The following WDR12 variants were observed in gnomAD, a reference collection of about 807,000 sequenced individuals.
The protein encoded by WDR12 is ribosome biogenesis protein WDR12.
In WDR12, 42 loss-of-function variants were observed where a neutral mutation model predicts 64.3. The observed-to-expected ratio is 0.65, with a 90% confidence interval of 0.51 to 0.84. The LOEUF (loss-of-function observed/expected upper bound fraction) is 0.84. WDR12 is among the 40% of genes least tolerant of loss of function. The pLI, the probability that WDR12 is intolerant of heterozygous loss-of-function variation, is 0.00. For missense variants in WDR12, 469 were observed against 494.6 expected (o/e 0.95, Z 0.49); for synonymous variants, 158 against 173.3 (o/e 0.91, Z 0.70).
intron 1 of WDR12, among the ~76,000 whole-genome samples, chr2:202,910,584 A>C (rs1688572867): frequency 6.6e-6 from 1 of 152,238 alleles, no homozygotes; most frequent in Non-Finnish European, 1.5e-5. Context: ...TTTTATTTTA[A>C]GAAAAACAAA....
chr2:202,907,850 A>G lies in WDR12; in HGVS notation c.136+15T>C. On this transcript the variant is annotated intron_variant, in intron 2 of 12. Coordinates refer to ENST00000261015, the MANE Select transcript of WDR12 (RefSeq NM_018256.4). The stretch of plus-strand genomic sequence containing the variant: ...ATTAGGGACACTGTGCCCTCTCCTA[A>G]GCATATATACCCACCATTTTTGTCC... The G allele has an allele frequency of 1.3e-6, 2 of 1,597,430 alleles. No individual in the cohort carries two copies. Among genetic ancestry groups the G allele is most frequent in the South Asian group, 2.2e-5 (2 of 90,670 alleles).
intron 2 of WDR12, 91 bp from the exon 3 acceptor site, chr2:202,901,210 T>A: frequency 1.3e-6 from 1 of 785,730 alleles, no homozygotes; most frequent in Non-Finnish European, 1.9e-6. Flanking sequence ...AACAGGTACC[T>A]ATTATCCCAG....
At chr2:202,897,593 A>C (rs1688270309) in intron 4 of WDR12, among the ~76,000 whole-genome samples, 178 bp from the exon 5 acceptor site, 1 of 146,830 alleles carries the variant, frequency 6.8e-6, no homozygotes, top group African/African-American at 2.5e-5. Flanking sequence ...ACCTCCTAAA[A>C]ATAATACCTG....
intron 1 of WDR12, among the ~76,000 whole-genome samples, chr2:202,908,958 C>A (rs1244639848): frequency 1.3e-5 from 2 of 152,184 alleles, no homozygotes; most frequent in African/African-American, 4.8e-5. Flanking sequence ...CATCATTAGT[C>A]ATCCAGGTAA....
At chr2:202,904,076 C>T (rs1220688070) in intron 2 of WDR12, among the ~76,000 whole-genome samples, 8 of 133,178 alleles carry the variant, frequency 6.0e-5, no homozygotes, top group Admixed American at 1.7e-4. Context: ...AGGTGGAGGT[C>T]GCCATGAGGT....
intron 7 of WDR12, 66 bp downstream of exon 7, chr2:202,894,515 T>C (rs922970942): frequency 2.1e-6 from 3 of 1,413,584 alleles, no homozygotes; most frequent in African/African-American, 2.9e-5. Flanking sequence ...AGCCACCATA[T>C]AGCCTCCGAA....
chr2:202,891,919 A>G (rs1030009873), intron 8 of WDR12, among the ~76,000 whole-genome samples: 2 of 152,206 alleles, frequency 1.3e-5, no homozygotes, highest in Non-Finnish European at 2.9e-5. Context: ...AGTGTGAGGA[A>G]ATGGGGAAAT....
rs531360788 is a variant in WDR12 at position 202,890,610 on chromosome 2, A to T, written c.741+2007T>A. 2.6e-5 allele frequency among the ~76,000 whole-genome samples: 4 copies of T among 152,028 alleles called. No homozygotes were observed. In the East Asian group the frequency reaches 7.8e-4, roughly 30 times the overall value. On this transcript the variant is annotated intron_variant, in intron 8 of 12. Transcript: ENST00000261015. ...GGGTGAAACCCCGTCTCTACAAAAAAAATACAAAAAATTAGCCAGGCATGG... is the reference window on the plus strand; with the variant it reads ...GGGTGAAACCCCGTCTCTACAAAAATAATACAAAAAATTAGCCAGGCATGG...
intron 5 of WDR12, among the ~76,000 whole-genome samples, chr2:202,896,508 T>C (rs772748249): frequency 3.4e-4 from 51 of 151,974 alleles, no homozygotes; most frequent in Non-Finnish European, 6.2e-4. Context: ...CTGGCCAACA[T>C]GGCAAAACCC....
chr2:202,911,337 G>T, intron 1 of WDR12, 99 bp downstream of exon 1: 1 of 1,163,030 alleles, frequency 8.6e-7, no homozygotes, highest in Non-Finnish European at 1.3e-6. Flanking sequence ...AAAAGGGTGG[G>T]GGTGACAGCA....
At chr2:202,881,443 T>C (rs917417472) in intron 12 of WDR12, among the ~76,000 whole-genome samples, 11 of 152,118 alleles carry the variant, frequency 7.2e-5, no homozygotes, top group Non-Finnish European at 1.6e-4. Context: ...TTTGATCCAA[T>C]TAGTCTTAAG....
chr2:202,906,522 G>A (rs966204536), intron 2 of WDR12, among the ~76,000 whole-genome samples: 5 of 152,098 alleles, frequency 3.3e-5, no homozygotes, highest in South Asian at 4.1e-4. Flanking sequence ...CTCCAACTAC[G>A]GTAGAGTCAG....
At chr2:202,892,587 C>T (rs1224084359) in intron 8 of WDR12, 30 bp downstream of exon 8, 1 of 1,526,002 alleles carries the variant, frequency 6.6e-7, no homozygotes, top group Admixed American at 1.7e-5. Context: ...AGGCCTAAGG[C>T]AAGTACAGTC....
intron 4 of WDR12, among the ~76,000 whole-genome samples, chr2:202,898,037 A>T (rs1239287097): frequency 6.9e-6 from 1 of 145,082 alleles, no homozygotes; most frequent in African/African-American, 2.5e-5. Context: ...ACATCCCTAA[A>T]ATATTTCACT....
In WDR12 at chr2:202,883,683, T is replaced by A. The variant is rs1422996122; in HGVS notation, c.1047A>T (p.Lys349Asn). ...TSHTGWVTSV[K>N]WSPTHEQQLI... ...GCTGCTGTTCATGGGTAGGAGACCA[T>A]TTTACTGATGTCACCCAACCAGTAT... The change falls in exon 11 of 13, where the codon AAA (lysine) becomes AAT (asparagine). Residue 349 changes from lysine (K) to asparagine (N), a missense_variant. Physicochemically the swap from Lys to Asn is moderately conservative, Grantham distance 94. Transcript: ENST00000261015. The A allele has an allele frequency of 1.2e-6, 2 of 1,613,992 alleles. No homozygotes were observed. The highest frequency in any genetic ancestry group is 1.3e-5 in the African/African-American group (1 of 74,928).
At chr2:202,910,542 A>G (rs960629135) in intron 1 of WDR12, among the ~76,000 whole-genome samples, 1 of 151,638 alleles carries the variant, frequency 6.6e-6, no homozygotes, top group Non-Finnish European at 1.5e-5. Flanking sequence ...CAAACCAAAC[A>G]AACAAAAAAA....
intron 8 of WDR12, 108 bp from the exon 9 acceptor site, chr2:202,884,643 A>G: frequency 8.8e-7 from 1 of 1,131,338 alleles, no homozygotes; most frequent in Non-Finnish European, 1.2e-6. Context: ...CAAACTGCCC[A>G]TCTTTCATAT....
chr2:202,874,752 G>A lies in WDR12; in HGVS notation c.*6108C>T, dbSNP rs368227403. On this transcript the variant is annotated 3_prime_UTR_variant, in exon 13 of 13. Transcript: ENST00000261015. ...GCTATCTTCCCAGATACCCAAATGA[G>A]TAATTAGATACTGCAAGCTAAACAT... is the stretch of plus-strand genomic sequence containing the variant. 2.0e-4 allele frequency: 30 copies of A among 152,136 alleles called. No individual in the cohort carries two copies. The highest frequency in any genetic ancestry group is 7.2e-4 in the African/African-American group (30 of 41,430). 9.4% of individuals were successfully genotyped at this position (152,136 alleles called of 1,614,324 possible). A position where few individuals can be genotyped will look rare whatever the true frequency, so the allele number is the denominator to read the frequency against.
rs1030915506 is a variant in WDR12, at chr2:202,876,239, A to C, written c.*4621T>G. ...CGCCATCTCCACAAAAATAAAAAAA[A>C]TAGCTGGGTGTGGCAGCATGCAATT... On this transcript the variant is annotated 3_prime_UTR_variant, in exon 13 of 13. Transcript: ENST00000261015. 6.6e-6 allele frequency: 1 copy of C among 152,000 alleles called. No individual in the cohort carries two copies. Among genetic ancestry groups the C allele is most frequent in the African/African-American group, 2.4e-5 (1 of 41,368 alleles). The allele number at this position is 152,000 out of a possible 1,614,324, so 9.4% of individuals were successfully genotyped here.
Sources: allele counts gnomAD v4.1 joint callset (sites outside exome capture counted in the v4.1 genomes callset), GRCh38; gene constraint gnomAD v4.1.1; transcripts MANE v1.5; gene names NCBI Gene and HGNC (gene_info 2026-07-23, HGNC 2026-07-21).